The following DMD variants were observed in gnomAD, a reference collection of about 807,000 sequenced individuals.
DMD encodes the protein dystrophin, also known as mutant dystrophin.
In DMD, 63 loss-of-function variants were observed where a neutral mutation model predicts 330.1. The observed-to-expected ratio is 0.19, with a 90% CI of 0.16 to 0.24. DMD has a LOEUF of 0.24. Ranked by LOEUF, DMD falls within the 10% of genes least tolerant of loss-of-function variation. The pLI, the probability that DMD is intolerant of heterozygous loss-of-function variation, is 1.00. For synonymous variants in DMD, 1,223 were observed against 959.8 expected (o/e 1.27, Z -5.07); for missense variants, 3,344 against 2,684.1 (o/e 1.25, Z -5.43).
Position 32,341,657 on chromosome X carries a change from A to G in DMD, c.5922+443T>C, listed in dbSNP as rs578010144. 3.3e-4 allele frequency among the ~76,000 whole-genome samples: 37 copies of G among 112,050 alleles called. No individual in the cohort carries two copies. In the South Asian group the frequency reaches 8.5e-3, roughly 26 times the overall value. ...CTTCAAGTCAATGAGATAATGGCTT[A>G]TGCAGGTTGACATAAGATGTACCAT... On this transcript the variant is annotated intron_variant, in intron 41 of 78. Coordinates refer to ENST00000357033, the MANE Select transcript of DMD (RefSeq NM_004006.3).
chrX:33,154,873 C>T (rs1470841575), intron 1 of DMD, among the ~76,000 whole-genome samples: 1 of 111,987 alleles, frequency 8.9e-6, no homozygotes, highest in Non-Finnish European at 1.9e-5. Context: ...GGTTATTTTC[C>T]TCACCTCCTA....
At chrX:32,669,714 GT>G (rs1292809553) in intron 9 of DMD, among the ~76,000 whole-genome samples, 1 of 110,367 alleles carries the variant, frequency 9.1e-6, no homozygotes, top group Non-Finnish European at 1.9e-5. Context: ...GCCCTTTTTG[GT>G]TTTTTTTGGC....
rs886151872 is a variant in DMD at position 33,176,432 on chromosome X, A to C, written c.31+34850T>G. 8.1e-5 allele frequency among the ~76,000 whole-genome samples: 9 copies of C among 111,012 alleles called. 2 individuals are homozygous for C. The highest frequency in any genetic ancestry group is 3.7e-4 in the South Asian group (1 of 2,682). On this transcript the variant is annotated intron_variant, in intron 1 of 78. Coordinates refer to ENST00000357033, the MANE Select transcript of DMD (RefSeq NM_004006.3). ...GAGAAGAGTTAATGTAAAAAAAAAA[A>C]AAACCAGGTATACGTATAATTATAT...
At chrX:31,398,561 T>C (rs1860850964) in intron 60 of DMD, among the ~76,000 whole-genome samples, 1 of 112,387 alleles carries the variant, frequency 8.9e-6, no homozygotes, top group Admixed American at 9.4e-5. Flanking sequence ...AGTGCTAGGA[T>C]TACAGGCATA....
At chrX:32,805,493 A>G (rs1271096462) in intron 7 of DMD, among the ~76,000 whole-genome samples, 1 of 111,066 alleles carries the variant, frequency 9.0e-6, no homozygotes, top group East Asian at 2.8e-4. Context: ...TTTGATTAGT[A>G]TACCTGGGAA....
chrX:32,968,758 G>A (rs903740638), intron 2 of DMD, among the ~76,000 whole-genome samples: 8 of 108,836 alleles, frequency 7.4e-5, no homozygotes, highest in South Asian at 8.1e-4. Flanking sequence ...GGCCAGGCGC[G>A]GTGGCTCACA....
chrX:31,566,951 T>C (rs1374300739), intron 55 of DMD, among the ~76,000 whole-genome samples: 3 of 111,569 alleles, frequency 2.7e-5, no homozygotes, highest in Non-Finnish European at 5.7e-5. Flanking sequence ...TTATGATTTT[T>C]TGACTTTATG....
intron 55 of DMD, among the ~76,000 whole-genome samples, chrX:31,549,237 AAATT>A (rs1481460383): frequency 2.7e-5 from 3 of 110,884 alleles, no homozygotes; most frequent in African/African-American, 9.8e-5. Context: ...ATTTTATGTT[AAATT>A]ATTATCTGAC....
At chrX:32,735,036 C>G (rs1235598302) in intron 7 of DMD, among the ~76,000 whole-genome samples, 1 of 111,210 alleles carries the variant, frequency 9.0e-6, no homozygotes, top group Non-Finnish European at 1.9e-5. Context: ...AGCCTAAAAT[C>G]TCCTTAAGCT....
In DMD at chrX:32,368,631, T is replaced by G. The variant is rs900828440; in HGVS notation, c.4846-3432A>C. On this transcript the variant is annotated intron_variant, in intron 34 of 78. Transcript: ENST00000357033. ...GTATGGAGAACCAACCTAGAGCTAT[T>G]GCCTTGGCCATTGTCTTTATACCTG... is the stretch of plus-strand genomic sequence containing the variant. Among the ~76,000 whole-genome samples the G allele has an allele frequency of 3.6e-5, 4 of 111,821 alleles. No homozygotes were observed. In the Admixed American group the frequency reaches 3.8e-4, roughly 11 times the overall value.
At chrX:33,306,279 C>T (rs190610119) in intron 1 of DMD, among the ~76,000 whole-genome samples, 2 of 111,961 alleles carry the variant, frequency 1.8e-5, no homozygotes, top group Non-Finnish European at 3.8e-5. Flanking sequence ...ACATGTGCAT[C>T]ATTCATTTAG....
intron 16 of DMD, among the ~76,000 whole-genome samples, chrX:32,547,584 T>A (rs2148973407): frequency 9.0e-6 from 1 of 111,161 alleles, no homozygotes; most frequent in Non-Finnish European, 1.9e-5. Context: ...AAATTAATAA[T>A]CACTCTCAAA....
chrX:32,570,547 A>C (rs1440601849), intron 15 of DMD, among the ~76,000 whole-genome samples: 2 of 112,159 alleles, frequency 1.8e-5, no homozygotes, highest in Non-Finnish European at 3.8e-5. Flanking sequence ...TTATTGTTAG[A>C]AATGACAGTT....
intron 62 of DMD, among the ~76,000 whole-genome samples, chrX:31,283,890 A>G (rs2052818443): frequency 8.9e-6 from 1 of 111,834 alleles, no homozygotes; most frequent in South Asian, 3.7e-4. Context: ...TACTAGCAAT[A>G]CTTCTGCTCC....
At chrX:31,954,802 T>C (rs1197182789) in intron 45 of DMD, among the ~76,000 whole-genome samples, 2 of 110,113 alleles carry the variant, frequency 1.8e-5, no homozygotes, top group African/African-American at 3.3e-5. Context: ...CTGAACTGTA[T>C]ACTTAAAAAT....
intron 43 of DMD, among the ~76,000 whole-genome samples, chrX:32,228,486 G>A (rs1280618514): frequency 4.5e-5 from 5 of 111,613 alleles, no homozygotes; most frequent in Non-Finnish European, 9.4e-5. Flanking sequence ...AATACCCAAA[G>A]TAGCAGAAAT....
chrX:31,324,143 T>C (rs1009277335), intron 61 of DMD, among the ~76,000 whole-genome samples: 7 of 111,781 alleles, frequency 6.3e-5, no homozygotes, highest in Non-Finnish European at 1.1e-4. Context: ...TTTTTATCTT[T>C]ATTGGTTTAA....
chrX:32,598,235 A>C (rs779035412), intron 12 of DMD, among the ~76,000 whole-genome samples: 1 of 112,339 alleles, frequency 8.9e-6, no homozygotes, highest in East Asian at 2.8e-4. Flanking sequence ...TTGTGTGTGC[A>C]ATCTATACTG....
chrX:32,906,348 C>T (rs760672107), intron 2 of DMD, among the ~76,000 whole-genome samples: 7 of 111,783 alleles, frequency 6.3e-5, no homozygotes, highest in Non-Finnish European at 1.1e-4. Flanking sequence ...TTCCTGAGGC[C>T]GCCCCAGAAG....
Sources: gnomAD v4.1 joint callset for allele counts (sites outside exome capture counted in the v4.1 genomes callset) on GRCh38, gnomAD v4.1.1 for gene constraint, MANE v1.5 for transcripts, NCBI Gene and HGNC (gene_info 2026-07-23, HGNC 2026-07-21) for gene names.